The following MYT1L variants were observed in gnomAD, a reference collection of about 807,000 sequenced individuals.
The protein encoded by MYT1L is myelin transcription factor 1-like protein.
Under a neutral mutation model 126.7 loss-of-function variants are expected in MYT1L, and 12 were observed. That is an observed-to-expected ratio of 0.09 (90% CI 0.06 to 0.15). The LOEUF (loss-of-function observed/expected upper bound fraction) is 0.15, where lower values mean the gene tolerates loss of function less well. MYT1L is among the 10% of genes least tolerant of loss of function. The pLI is 1.00. For synonymous variants in MYT1L, 541 were observed against 604.2 expected (o/e 0.90, Z 1.53); for missense variants, 979 against 1,585.2 (o/e 0.62, Z 6.49).
chr2:1,953,093 G>C (rs75466250), intron 8 of MYT1L, among the ~76,000 whole-genome samples: 2 of 151,208 alleles, frequency 1.3e-5, no homozygotes, highest in East Asian at 3.9e-4. Flanking sequence ...CTACAGAGTA[G>C]CTAGGACCAC....
At chr2:2,097,407 TTC>T (rs1206494441) in intron 3 of MYT1L, among the ~76,000 whole-genome samples, 4 of 152,144 alleles carry the variant, frequency 2.6e-5, no homozygotes, top group African/African-American at 9.7e-5. Context: ...CTCCTTTAGT[TTC>T]CTCTTCCTGT....
chr2:2,134,844 G>A lies in MYT1L; in HGVS notation c.-304+38028C>T, dbSNP rs1305130962. On this transcript the variant is annotated intron_variant, in intron 3 of 24. Coordinates refer to ENST00000647738, the MANE Select transcript of MYT1L (RefSeq NM_001303052.2). ...GCTAACAGTCCAAACTCCTTAACATGTATTGCAAAGGAGGGCACCACCCAC... is the reference window on the plus strand; with the variant it reads ...GCTAACAGTCCAAACTCCTTAACATATATTGCAAAGGAGGGCACCACCCAC... Among the ~76,000 whole-genome samples, 3 of 152,148 alleles carry A rather than the reference G, an allele frequency of 2.0e-5. No homozygotes were observed. In the East Asian group the frequency reaches 5.8e-4, roughly 29 times the overall value.
intron 3 of MYT1L, among the ~76,000 whole-genome samples, chr2:2,119,691 C>T (rs1466455651): frequency 6.6e-6 from 1 of 152,148 alleles, no homozygotes; most frequent in Non-Finnish European, 1.5e-5. Context: ...CAAGAGTTAA[C>T]ATCATGATTC....
chr2:1,864,289 C>A (rs2045147835), intron 18 of MYT1L, among the ~76,000 whole-genome samples: 3 of 152,178 alleles, frequency 2.0e-5, no homozygotes, highest in Non-Finnish European at 4.4e-5. Context: ...CCTGGCAGGT[C>A]CGGGGCCTTC....
chr2:2,080,915 T>G (rs1034184130), intron 3 of MYT1L, among the ~76,000 whole-genome samples: 3 of 152,190 alleles, frequency 2.0e-5, no homozygotes, highest in African/African-American at 7.2e-5. Flanking sequence ...ACAAAACCCC[T>G]CATATTGTTT....
rs767786174 is a variant in MYT1L, at chr2:1,922,389, G to A, written c.1380C>T (p.Asp460=). 6.2e-7 allele frequency: 1 copy of A among 1,613,858 alleles called. No individual in the cohort carries two copies. Among genetic ancestry groups the A allele is most frequent in the South Asian group, 1.1e-5 (1 of 91,078 alleles). ...ACTGGTCCTCATATGACCTCATATT[G>A]TCCCTCCTCCCAGCTTCCATGGCCA... ...EKMAMEAGRR[D]NMRSYEDQSP... The change falls in exon 10 of 25, where the codon GAC becomes GAT. Residue 460 remains aspartate (D), a synonymous_variant. Coordinates refer to ENST00000647738, the MANE Select transcript of MYT1L (RefSeq NM_001303052.2). This position sits in a 1 kb window ranked among gnomAD's most constrained non-coding sequence, Gnocchi z 7.4.
At chr2:1,890,534 C>A (rs1412800716) in intron 15 of MYT1L, among the ~76,000 whole-genome samples, 1 of 151,974 alleles carries the variant, frequency 6.6e-6, no homozygotes, top group Non-Finnish European at 1.5e-5. Flanking sequence ...CAAAGAGGTA[C>A]AGGGTGAGGC....
chr2:2,037,057 C>G (rs909123028), intron 4 of MYT1L, among the ~76,000 whole-genome samples: 3 of 152,186 alleles, frequency 2.0e-5, no homozygotes, highest in African/African-American at 7.2e-5. Flanking sequence ...CTGAAATAGT[C>G]CCCCCGCTTA....
At position 1,889,195 on chromosome 2, in the gene MYT1L, A is replaced by G; in HGVS notation, c.2520+46T>C. The stretch of plus-strand genomic sequence containing the variant: ...TGGCTTTTCTTTCAGCTGGGGCCCC[A>G]TTTTTAAGTCTGGCAGTCAACACAG... On this transcript the variant is annotated intron_variant, in intron 16 of 24. Coordinates refer to ENST00000647738, the MANE Select transcript of MYT1L (RefSeq NM_001303052.2). This position sits in a 1 kb window ranked among gnomAD's most constrained non-coding sequence, Gnocchi z 4.1. 6.5e-7 allele frequency: 1 copy of G among 1,533,636 alleles called. No individual in the cohort carries two copies. The highest frequency in any genetic ancestry group is 8.9e-7 in the Non-Finnish European group (1 of 1,119,480).
chr2:2,004,290 CGTT>C (rs2062848091), intron 4 of MYT1L, among the ~76,000 whole-genome samples: 1 of 139,238 alleles, frequency 7.2e-6, no homozygotes, highest in Non-Finnish European at 1.6e-5. Context: ...TTCCTGCATG[CGTT>C]CTTTCCTGCA....
chr2:2,195,403 T>C (rs2092758362), intron 2 of MYT1L, among the ~76,000 whole-genome samples: 1 of 152,234 alleles, frequency 6.6e-6, no homozygotes, highest in African/African-American at 2.4e-5. Context: ...CTTTGAATCA[T>C]CAATTCATGA....
chr2:2,004,295 T>G (rs2062850255), intron 4 of MYT1L, among the ~76,000 whole-genome samples: 1 of 143,350 alleles, frequency 7.0e-6, no homozygotes, highest in Non-Finnish European at 1.5e-5. Flanking sequence ...GCATGCGTTC[T>G]TTCCTGCATG....
At chr2:2,176,076 T>G (rs189208305) in intron 2 of MYT1L, among the ~76,000 whole-genome samples, 13 of 152,342 alleles carry the variant, frequency 8.5e-5, no homozygotes, top group Admixed American at 7.8e-4. Context: ...CATTAGGCTG[T>G]GCTCATGAGA....
chr2:2,270,878 C>T (rs2095249979), intron 2 of MYT1L, among the ~76,000 whole-genome samples: 1 of 151,952 alleles, frequency 6.6e-6, no homozygotes, highest in Non-Finnish European at 1.5e-5. Context: ...TGACCTTCCT[C>T]TTTAAAAATC....
At chr2:2,227,012 T>C (rs2094026684) in intron 2 of MYT1L, among the ~76,000 whole-genome samples, 1 of 152,180 alleles carries the variant, frequency 6.6e-6, no homozygotes, top group African/African-American at 2.4e-5. Context: ...GAATTCTTAC[T>C]TTTCCTGTGA....
intron 12 of MYT1L, among the ~76,000 whole-genome samples, chr2:1,911,212 C>A (rs1394679831): frequency 6.6e-6 from 1 of 152,160 alleles, no homozygotes; most frequent in East Asian, 1.9e-4. Context: ...GCACAGTGGT[C>A]ATTTGTTTCA....
At chr2:1,886,924 C>CT in intron 17 of MYT1L, 1 of 400,704 alleles carries the variant, frequency 2.5e-6, no homozygotes, top group Non-Finnish European at 4.4e-6. Context: ...AATTAGCATG[C>CT]TTTTGAAGGT....
chr2:2,313,155 G>A (rs939932452), intron 1 of MYT1L, among the ~76,000 whole-genome samples: 1 of 152,114 alleles, frequency 6.6e-6, no homozygotes, highest in South Asian at 2.1e-4. Flanking sequence ...ATTAAGGCAG[G>A]GTGAAAGAAG....
intron 3 of MYT1L, among the ~76,000 whole-genome samples, chr2:2,129,382 C>A (rs907085454): frequency 6.6e-6 from 1 of 152,148 alleles, no homozygotes; most frequent in Non-Finnish European, 1.5e-5. Context: ...TGCTATGAAA[C>A]CAGTATGGTA....
Sources: gnomAD v4.1 joint callset for allele counts (sites outside exome capture counted in the v4.1 genomes callset) on GRCh38, gnomAD v4.1.1 for gene constraint, Gnocchi (gnomAD v3.1) non-coding constraint, MANE v1.5 for transcripts, NCBI Gene and HGNC (gene_info 2026-07-23, HGNC 2026-07-21) for gene names.